Variants in PHKA2 observed in about 807,000 individuals in gnomAD.
PHKA2 encodes the protein phosphorylase kinase regulatory subunit alpha 2, also known as phosphorylase b kinase regulatory subunit alpha, liver isoform.
Under a neutral mutation model 102.0 loss-of-function variants are expected in PHKA2, and 31 were observed. The ratio of observed to expected loss-of-function variants is 0.30; its 90% CI spans 0.23 to 0.41. PHKA2 has a LOEUF of 0.41. PHKA2 is among the 10% of genes least tolerant of loss of function. The pLI is 1.00. For missense variants in PHKA2, 858 were observed against 1,023.1 expected (o/e 0.84, Z 2.20); for synonymous variants, 455 against 416.2 (o/e 1.09, Z -1.13).
chrX:18,939,873 A>G, intron 9 of PHKA2, 122 bp downstream of exon 9: 1 of 611,606 alleles, frequency 1.6e-6, no homozygotes, highest in Non-Finnish European at 2.8e-6. Context: ...CTGACTCCAA[A>G]ATTAATACTT....
At position 18,935,028 on chromosome X, in the gene PHKA2, T is replaced by A. The variant is rs753193798; in HGVS notation, c.1137+1027A>T. On this transcript the variant is annotated intron_variant, in intron 11 of 32. Coordinates refer to ENST00000379942, the MANE Select transcript of PHKA2 (RefSeq NM_000292.3). ...CAGAACACCTAAACCCAAGTTGCCA[T>A]ATGCCAGGCCTCTGCTGGCTTACAA... is the stretch of plus-strand genomic sequence containing the variant. 4.4e-5 allele frequency among the ~76,000 whole-genome samples: 5 copies of A among 112,512 alleles called. No homozygotes were observed. The East Asian group carries it at 1.4e-3, about 32-fold the overall frequency.
At chrX:18,914,416 C>T (rs776193364) in intron 19 of PHKA2, among the ~76,000 whole-genome samples, 1 of 112,286 alleles carries the variant, frequency 8.9e-6, no homozygotes, top group South Asian at 3.7e-4. Flanking sequence ...AACCAATTCC[C>T]AAGTCTGCAG....
At chrX:18,963,413 C>G (rs897488628) in intron 1 of PHKA2, among the ~76,000 whole-genome samples, 7 of 112,230 alleles carry the variant, frequency 6.2e-5, no homozygotes, top group Admixed American at 1.9e-4. Context: ...ATACCTCTGT[C>G]ACTACCTGGG....
In PHKA2 at chrX:18,951,224, G is replaced by C; in HGVS notation, c.334C>G (p.Leu112Val). 1 of 1,211,718 alleles carries C rather than the reference G, an allele frequency of 8.3e-7. No homozygotes were observed. Among genetic ancestry groups the C allele is most frequent in the Non-Finnish European group, 1.1e-6 (1 of 895,343 alleles). The change falls in exon 4 of 33, where the codon CTG becomes GTG. Residue 112 changes from leucine (L) to valine (V), a missense_variant. Coordinates refer to ENST00000379942, the MANE Select transcript of PHKA2 (RefSeq NM_000292.3). The part of the protein sequence containing the change: ...FKHTQSTKDS[L>V]HAKYNTATCG... ...GTGGCGGTGTTGTACTTGGCGTGCAGGCTGTCCTTGGTGCTCTGAGTGTGT... is the reference window on the plus strand; with the variant it reads ...GTGGCGGTGTTGTACTTGGCGTGCACGCTGTCCTTGGTGCTCTGAGTGTGT...
intron 1 of PHKA2, among the ~76,000 whole-genome samples, chrX:18,981,237 C>A (rs1829905347): frequency 9.0e-6 from 1 of 111,196 alleles, no homozygotes; most frequent in Admixed American, 9.6e-5. Flanking sequence ...TGCAATCCTG[C>A]ACTTGTGGGC....
intron 19 of PHKA2, among the ~76,000 whole-genome samples, chrX:18,913,198 G>A (rs2047958909): frequency 9.0e-6 from 1 of 111,391 alleles, no homozygotes; most frequent in African/African-American, 3.3e-5. Context: ...GGTGAGTGGT[G>A]AGTGAATGTG....
chrX:18,926,363 CTT>C, intron 14 of PHKA2, 88 bp downstream of exon 14: 1 of 747,865 alleles, frequency 1.3e-6, no homozygotes. Flanking sequence ...GTCTTTAGAA[CTT>C]ACGTATATCA....
chrX:18,919,746 AAG>A (rs58839160), intron 18 of PHKA2, among the ~76,000 whole-genome samples: 7 of 103,220 alleles, frequency 6.8e-5, no homozygotes, highest in African/African-American at 2.2e-4. Context: ...AAAAAAAAAA[AAG>A]AGAGAGAGAG....
intron 19 of PHKA2, among the ~76,000 whole-genome samples, chrX:18,917,548 C>T (rs1474221644): frequency 1.8e-5 from 2 of 111,297 alleles, no homozygotes; most frequent in Non-Finnish European, 3.8e-5. Context: ...TATGAGCCAC[C>T]ACGCCCAGCC....
At chrX:18,944,307 CAT>C (rs762706822) in intron 6 of PHKA2, among the ~76,000 whole-genome samples, 18 of 112,402 alleles carry the variant, frequency 1.6e-4, no homozygotes, top group Non-Finnish European at 2.4e-4. Context: ...TTTTCTCTCA[CAT>C]GTTTTAACAG....
rs751542833 is a variant in PHKA2, at chrX:18,922,447, G to A, written c.1793+1609C>T. ...GGGACAGTCTCGCGAGAAAGGCCAGGAGAAGCTTGGATCAAGGGCCACTTC... is the reference window on the plus strand; with the variant it reads ...GGGACAGTCTCGCGAGAAAGGCCAGAAGAAGCTTGGATCAAGGGCCACTTC... On this transcript the variant is annotated intron_variant, in intron 17 of 32. Transcript: ENST00000379942. Among the ~76,000 whole-genome samples the A allele has an allele frequency of 9.9e-5, 11 of 111,158 alleles. No individual in the cohort carries two copies. The South Asian group carries it at 4.2e-3, about 42-fold the overall frequency.
chrX:18,899,367 C>T (rs1601698295), intron 28 of PHKA2, 141 bp from the exon 29 acceptor site: 4 of 542,721 alleles, frequency 7.4e-6, no homozygotes, highest in Non-Finnish European at 9.6e-6. Flanking sequence ...GCCACAGCAA[C>T]GCACATAGGC....
intron 12 of PHKA2, 124 bp downstream of exon 12, chrX:18,931,517 T>C (rs1396204550): frequency 1.7e-6 from 1 of 578,099 alleles, no homozygotes; most frequent in African/African-American, 2.2e-5. Context: ...CCAGTTGACC[T>C]TAAACGAATG....
intron 1 of PHKA2, among the ~76,000 whole-genome samples, chrX:18,976,311 A>G (rs1052066866): frequency 1.8e-5 from 2 of 111,938 alleles, no homozygotes; most frequent in African/African-American, 6.5e-5. Context: ...AAAGAAATCA[A>G]TCTCTAAATG....
At chrX:18,979,073 C>T (rs1296911023) in intron 1 of PHKA2, among the ~76,000 whole-genome samples, 1 of 111,098 alleles carries the variant, frequency 9.0e-6, no homozygotes, top group African/African-American at 3.3e-5. Context: ...GAGGTGGAGG[C>T]TGCAGTGAGG....
chrX:18,907,118 G>A (rs1374357628), intron 22 of PHKA2, 21 bp from the exon 23 acceptor site: 8 of 1,123,006 alleles, frequency 7.1e-6, no homozygotes, highest in Middle Eastern at 2.5e-4. Flanking sequence ...AAGGGGAAGG[G>A]TGAGAGGCAG....
rs1245284548 is a variant in PHKA2, at chrX:18,959,136, T to C, written c.79-4724A>G. On this transcript the variant is annotated intron_variant, in intron 1 of 32. Transcript: ENST00000379942. ...GTTCAAAGCTCTCCTATCATCCAGCTGTGACCTTGAGCAAATGACTTCGGT... is the reference window on the plus strand; with the variant it reads ...GTTCAAAGCTCTCCTATCATCCAGCCGTGACCTTGAGCAAATGACTTCGGT... Among the ~76,000 whole-genome samples the C allele has an allele frequency of 4.4e-5, 5 of 112,548 alleles. No homozygotes were observed. In the South Asian group the frequency reaches 1.1e-3, roughly 25 times the overall value.
rs2048396171 is a variant in PHKA2 at position 18,936,471 on chromosome X, T to C, written c.1042-321A>G. On this transcript the variant is annotated intron_variant, in intron 10 of 32. Coordinates refer to ENST00000379942, the MANE Select transcript of PHKA2 (RefSeq NM_000292.3). ...ATTCCTCTAGTAGTCATATCTACAC[T>C]GTGTATCAGATGTCTTTCCTGTTCT... 7.1e-5 allele frequency among the ~76,000 whole-genome samples: 8 copies of C among 112,177 alleles called. No individual in the cohort carries two copies. The South Asian group carries it at 3.0e-3, about 42-fold the overall frequency.
intron 21 of PHKA2, 48 bp downstream of exon 21, chrX:18,908,753 T>C: frequency 2.0e-6 from 2 of 1,019,797 alleles, no homozygotes; most frequent in East Asian, 3.0e-5. Context: ...TAAGCCAATC[T>C]GTTCATGGTA....
Sources: gnomAD v4.1 joint callset for allele counts (sites outside exome capture counted in the v4.1 genomes callset) on GRCh38, gnomAD v4.1.1 for gene constraint, MANE v1.5 for transcripts, NCBI Gene and HGNC (gene_info 2026-07-23, HGNC 2026-07-21) for gene names.